CHD7: variants seen among roughly 807,000 people sequenced by gnomAD.
CHD7 encodes the protein ATP-dependent chromatin remodeler CHD7.
Under a neutral mutation model 307.3 loss-of-function variants are expected in CHD7, and 24 were observed. The ratio of observed to expected loss-of-function variants is 0.08; its 90% CI spans 0.06 to 0.11. The LOEUF (loss-of-function observed/expected upper bound fraction) is 0.11. CHD7 is among the 10% of genes least tolerant of loss of function. The pLI is 1.00. For missense variants in CHD7, 3,106 were observed against 3,727.1 expected (o/e 0.83, Z 4.34); for synonymous variants, 1,363 against 1,349.9 (o/e 1.01, Z -0.21).
At position 60,689,903 on chromosome 8, in the gene CHD7, G is replaced by A. The variant is rs1306157765; in HGVS notation, c.-175+10821G>A. On this transcript the variant is annotated intron_variant, in intron 1 of 37. Coordinates refer to ENST00000423902, the MANE Select transcript of CHD7 (RefSeq NM_017780.4). ...GTTTCTCTCAGTGTTTATCCAAGATGTAATTCACTTAGCATCTTTATCTCG... is the reference window on the plus strand; with the variant it reads ...GTTTCTCTCAGTGTTTATCCAAGATATAATTCACTTAGCATCTTTATCTCG... Among the ~76,000 whole-genome samples, 3 of 152,230 alleles carry A rather than the reference G, an allele frequency of 2.0e-5. No individual in the cohort carries two copies. The East Asian group carries it at 5.8e-4, about 29-fold the overall frequency.
intron 1 of CHD7, among the ~76,000 whole-genome samples, chr8:60,736,876 C>T (rs535786469): frequency 1.4e-4 from 21 of 152,288 alleles, no homozygotes; most frequent in Middle Eastern, 3.4e-3. Context: ...CTAAAAGGTT[C>T]TGCGTCACTA....
chr8:60,854,857 T>G (rs1242564774), intron 32 of CHD7, among the ~76,000 whole-genome samples: 1 of 152,190 alleles, frequency 6.6e-6, no homozygotes, highest in Admixed American at 6.5e-5. Flanking sequence ...TGTTTTAAAA[T>G]TTTTTTGTGA....
intron 1 of CHD7, among the ~76,000 whole-genome samples, chr8:60,713,231 C>T (rs1196340801): frequency 6.6e-6 from 1 of 151,926 alleles, no homozygotes; most frequent in Non-Finnish European, 1.5e-5. Context: ...CCTGCTTCAG[C>T]CTCACTAGTA....
At chr8:60,700,528 A>T (rs556551221) in intron 1 of CHD7, among the ~76,000 whole-genome samples, 2 of 152,220 alleles carry the variant, frequency 1.3e-5, no homozygotes, top group Non-Finnish European at 2.9e-5. Context: ...CAATGAGACG[A>T]TGCCATGATG....
At chr8:60,845,960 C>A (rs1805194017) in intron 23 of CHD7, among the ~76,000 whole-genome samples, 1 of 152,228 alleles carries the variant, frequency 6.6e-6, no homozygotes, top group Admixed American at 6.5e-5. Context: ...AGGGGAATCA[C>A]AGATTATTTG....
intron 1 of CHD7, among the ~76,000 whole-genome samples, chr8:60,725,626 T>C (rs1808124876): frequency 6.6e-6 from 1 of 152,218 alleles, no homozygotes; most frequent in Non-Finnish European, 1.5e-5. Context: ...ATCTGCATTA[T>C]AGGATGCCCT....
chr8:60,808,305 G>A, intron 7 of CHD7, 33 bp downstream of exon 7: 1 of 1,266,652 alleles, frequency 7.9e-7, no homozygotes, highest in Admixed American at 2.0e-5. Context: ...TTTAATGGGG[G>A]GCTATATTTT....
At chr8:60,756,729 A>G (rs1385072043) in intron 2 of CHD7, among the ~76,000 whole-genome samples, 1 of 152,162 alleles carries the variant, frequency 6.6e-6, no homozygotes, top group Non-Finnish European at 1.5e-5. Flanking sequence ...ACACACACAC[A>G]TTTAAAATGG....
chr8:60,743,691 C>A (rs1207296770), intron 2 of CHD7, among the ~76,000 whole-genome samples: 4 of 152,238 alleles, frequency 2.6e-5, no homozygotes, highest in African/African-American at 9.6e-5. Context: ...GGATACCCAG[C>A]ACTGAAGTAG....
At chr8:60,826,590 A>G (rs932446577) in intron 13 of CHD7, among the ~76,000 whole-genome samples, 1 of 152,194 alleles carries the variant, frequency 6.6e-6, no homozygotes, top group South Asian at 2.1e-4. Context: ...AATGCGCTTG[A>G]TGGGGATTAT....
chr8:60,690,837 A>G (rs550707295), intron 1 of CHD7, among the ~76,000 whole-genome samples: 2 of 152,332 alleles, frequency 1.3e-5, no homozygotes, highest in African/African-American at 4.8e-5. Flanking sequence ...GGCCGTACCT[A>G]GCAGAATGGT....
intron 19 of CHD7, among the ~76,000 whole-genome samples, chr8:60,839,664 C>T (rs1361449191): frequency 6.6e-6 from 1 of 152,136 alleles, no homozygotes; most frequent in African/African-American, 2.4e-5. Flanking sequence ...TCATATCCCA[C>T]TCTGGTTTTT....
intron 1 of CHD7, among the ~76,000 whole-genome samples, chr8:60,687,198 A>G (rs1805947240): frequency 6.6e-6 from 1 of 152,264 alleles, no homozygotes; most frequent in African/African-American, 2.4e-5. Flanking sequence ...AAGCAGTCAT[A>G]GTGAGAAGTC....
At position 60,822,144 on chromosome 8, in the gene CHD7, A is replaced by G. The variant is rs764345519; in HGVS notation, c.2956A>G (p.Met986Val). The change falls in exon 11 of 38, where the codon ATG (methionine) becomes GTG (valine). Residue 986 changes from methionine (M) to valine (V), a missense_variant and splice_region_variant. By Grantham distance (21) the Met-to-Val change is conservative (BLOSUM62 1). This residue lies in a region of CHD7 where 188 missense variants were observed against 261.7 expected (regional missense o/e 0.72). Coordinates refer to ENST00000423902, the MANE Select transcript of CHD7 (RefSeq NM_017780.4). The part of the protein sequence containing the change: ...VNWLLFNWYN[M>V]RNCILADEMG... ...CTGGCTACTTTTCAATTGGTACAAC[A>G]TGTATGTAAAACAAGTTTTTCTTCA... 6 of 1,606,920 alleles carry G rather than the reference A, an allele frequency of 3.7e-6. No individual in the cohort carries two copies. In the South Asian group the frequency reaches 5.6e-5, roughly 15 times the overall value.
At chr8:60,824,240 A>G (rs1804170694) in intron 13 of CHD7, 1 of 465,872 alleles carries the variant, frequency 2.1e-6, no homozygotes, top group Non-Finnish European at 3.8e-6. Flanking sequence ...GAGTGTAATC[A>G]TGATAGTTTC....
intron 14 of CHD7, among the ~76,000 whole-genome samples, chr8:60,829,374 C>T (rs564999423): frequency 2.6e-5 from 4 of 152,194 alleles, no homozygotes; most frequent in South Asian, 4.1e-4. Flanking sequence ...CTGAGGCAGG[C>T]GGATCACGAG....
At chr8:60,764,266 G>A (rs1810364318) in intron 2 of CHD7, among the ~76,000 whole-genome samples, 1 of 152,196 alleles carries the variant, frequency 6.6e-6, no homozygotes, top group Admixed American at 6.5e-5. Flanking sequence ...TGGGATTACA[G>A]GTGTGAGCCA....
intron 13 of CHD7, among the ~76,000 whole-genome samples, chr8:60,827,610 C>T (rs1009874082): frequency 6.6e-6 from 1 of 152,042 alleles, no homozygotes; most frequent in Non-Finnish European, 1.5e-5. Context: ...AGATGATGGT[C>T]GTCCATGAAA....
chr8:60,732,575 G>C (rs1486202101), intron 1 of CHD7, among the ~76,000 whole-genome samples: 1 of 152,182 alleles, frequency 6.6e-6, no homozygotes, highest in Non-Finnish European at 1.5e-5. Flanking sequence ...TGTCAAGTCA[G>C]TAGCTTGAAA....
Sources: gnomAD v4.1 joint callset for allele counts (sites outside exome capture counted in the v4.1 genomes callset) on GRCh38, gnomAD v4.1.1 for gene constraint, gnomAD v4.1.1 regional missense constraint, MANE v1.5 for transcripts, NCBI Gene and HGNC (gene_info 2026-07-23, HGNC 2026-07-21) for gene names.